The following NRXN1 variants were observed in gnomAD, a reference collection of about 807,000 sequenced individuals.
The protein encoded by NRXN1 is neurexin-1.
NRXN1 carries 39 observed loss-of-function variants against 150.9 expected under a neutral mutation model. The observed-to-expected ratio is 0.26, with a 90% CI of 0.20 to 0.34. The LOEUF is 0.34. Ranked by LOEUF, NRXN1 falls within the 10% of genes least tolerant of loss-of-function variation. NRXN1 has a pLI of 1.00. For synonymous variants in NRXN1, 924 were observed against 757.0 expected (o/e 1.22, Z -3.62); for missense variants, 1,815 against 1,949.9 (o/e 0.93, Z 1.30).
chr2:50,711,840 T>C (rs563139387), intron 5 of NRXN1, among the ~76,000 whole-genome samples: 1 of 152,244 alleles, frequency 6.6e-6, no homozygotes, highest in African/African-American at 2.4e-5. Flanking sequence ...TCTTTTTTGC[T>C]CTTCTGCCAT....
intron 17 of NRXN1, among the ~76,000 whole-genome samples, chr2:50,260,000 C>G (rs562677370): frequency 6.6e-6 from 1 of 151,826 alleles, no homozygotes; most frequent in East Asian, 1.9e-4. Flanking sequence ...CTTCTTGTAC[C>G]TTTCAATAGT....
At chr2:50,373,689 AGG>A (rs2080264599) in intron 17 of NRXN1, among the ~76,000 whole-genome samples, 2 of 115,894 alleles carry the variant, frequency 1.7e-5, no homozygotes, top group Non-Finnish European at 3.7e-5. Flanking sequence ...AAAAGAAAGA[AGG>A]AAAGAAAGAA....
intron 2 of NRXN1, among the ~76,000 whole-genome samples, chr2:50,988,191 C>T (rs563911761): frequency 6.6e-6 from 1 of 151,894 alleles, no homozygotes; most frequent in Non-Finnish European, 1.5e-5. Flanking sequence ...GTCTTGTCGG[C>T]GCTCCTTAGA....
chr2:50,555,292 G>C (rs564409380), intron 8 of NRXN1, among the ~76,000 whole-genome samples: 1 of 152,096 alleles, frequency 6.6e-6, no homozygotes, highest in African/African-American at 2.4e-5. Context: ...ATGAACAAGT[G>C]GGTTTTAGCC....
At chr2:50,612,702 C>A (rs1429014017) in intron 8 of NRXN1, among the ~76,000 whole-genome samples, 1 of 152,146 alleles carries the variant, frequency 6.6e-6, no homozygotes, top group African/African-American at 2.4e-5. Flanking sequence ...AGTGTTTATG[C>A]CATGGGGGTT....
At chr2:50,919,366 CAT>C (rs1465213018) in intron 5 of NRXN1, 1 of 151,702 alleles carries the variant, frequency 6.6e-6, no homozygotes, top group African/African-American at 2.4e-5. Flanking sequence ...GTTCTTTTTA[CAT>C]GTGTTAATTA....
chr2:50,492,167 G>A (rs1025982568), intron 15 of NRXN1, among the ~76,000 whole-genome samples: 1 of 152,172 alleles, frequency 6.6e-6, no homozygotes, highest in African/African-American at 2.4e-5. Context: ...ACAAAGCTAG[G>A]CTAGGAAATC....
chr2:50,573,987 A>G (rs989486709), intron 8 of NRXN1, among the ~76,000 whole-genome samples: 22 of 152,152 alleles, frequency 1.4e-4, no homozygotes, highest in Admixed American at 4.6e-4. Flanking sequence ...AATCCCCCTC[A>G]GATGGTTATA....
chr2:50,251,014 TATTACATATTGTATATGTAA>T (rs2067005072), intron 17 of NRXN1, among the ~76,000 whole-genome samples: 1 of 49,608 alleles, frequency 2.0e-5, no homozygotes, highest in Admixed American at 2.0e-4. Context: ...ATATGTGTAA[TATTACATATTGTATATGTAA>T]TAAATTTATT....
chr2:50,321,036 A>C (rs2076001582), intron 17 of NRXN1, among the ~76,000 whole-genome samples: 1 of 152,170 alleles, frequency 6.6e-6, no homozygotes, highest in African/African-American at 2.4e-5. Flanking sequence ...GATTATTAAC[A>C]ACTGGAAAGC....
intron 5 of NRXN1, among the ~76,000 whole-genome samples, chr2:50,914,465 G>A (rs1003592162): frequency 6.6e-6 from 1 of 151,642 alleles, no homozygotes; most frequent in Non-Finnish European, 1.5e-5. Flanking sequence ...TATAGACACA[G>A]AGACATGCAA....
At chr2:50,430,082 A>G (rs751271772) in intron 17 of NRXN1, among the ~76,000 whole-genome samples, 10 of 152,188 alleles carry the variant, frequency 6.6e-5, no homozygotes, top group Non-Finnish European at 1.3e-4. Context: ...AAAAAGAAAC[A>G]GAATGAATAC....
At chr2:50,076,738 T>TA (rs1260762680) in intron 19 of NRXN1, among the ~76,000 whole-genome samples, 1 of 152,182 alleles carries the variant, frequency 6.6e-6, no homozygotes, top group Non-Finnish European at 1.5e-5. Flanking sequence ...GTATTCAAGT[T>TA]AGACTTGGCA....
chr2:50,865,715 T>C (rs1676830799), intron 5 of NRXN1, among the ~76,000 whole-genome samples: 1 of 124,234 alleles, frequency 8.0e-6, no homozygotes, highest in Non-Finnish European at 1.6e-5. Flanking sequence ...ACCTGGCACA[T>C]AGTAATTACC....
intron 18 of NRXN1, among the ~76,000 whole-genome samples, chr2:50,126,496 C>CAA (rs5831091): frequency 4.7e-5 from 7 of 150,506 alleles, no homozygotes; most frequent in South Asian, 2.1e-4. Context: ...TATGGATTTA[C>CAA]AAAAAAAAAT....
chr2:50,559,885 A>C (rs2105384452), intron 8 of NRXN1, among the ~76,000 whole-genome samples: 1 of 152,288 alleles, frequency 6.6e-6, no homozygotes, highest in South Asian at 2.1e-4. Flanking sequence ...AGATGGTCCT[A>C]CTCATTTTGT....
chr2:50,733,236 T>C (rs1450681155), intron 5 of NRXN1, among the ~76,000 whole-genome samples: 2 of 152,146 alleles, frequency 1.3e-5, no homozygotes, highest in African/African-American at 4.8e-5. Context: ...AGGCAATGGA[T>C]CAGTACACTT....
At chr2:50,328,067 T>A (rs1373807486) in intron 17 of NRXN1, among the ~76,000 whole-genome samples, 1 of 152,206 alleles carries the variant, frequency 6.6e-6, no homozygotes, top group African/African-American at 2.4e-5. Flanking sequence ...AAGATGTGAC[T>A]AATACAACAG....
At chr2:50,850,200 C>T (rs1168565179) in intron 5 of NRXN1, among the ~76,000 whole-genome samples, 6 of 150,386 alleles carry the variant, frequency 4.0e-5, no homozygotes, top group African/African-American at 1.2e-4. Context: ...TGCACTCCAG[C>T]CTGGGCAACA....
Sources: allele counts gnomAD v4.1 joint callset (sites outside exome capture counted in the v4.1 genomes callset), GRCh38; gene constraint gnomAD v4.1.1; transcripts MANE v1.5; gene names NCBI Gene and HGNC (gene_info 2026-07-23, HGNC 2026-07-21).